ALDH3A1: variants seen among roughly 807,000 people sequenced by gnomAD.
The protein encoded by ALDH3A1 is aldehyde dehydrogenase, dimeric NADP-preferring.
ALDH3A1 carries 46 observed loss-of-function variants against 49.9 expected under a neutral mutation model. The ratio of observed to expected loss-of-function variants is 0.92; its 90% confidence interval spans 0.73 to 1.18. The LOEUF (loss-of-function observed/expected upper bound fraction) is 1.18. ALDH3A1 is among the 50% of genes most tolerant of loss of function. The pLI, the probability that ALDH3A1 is intolerant of heterozygous loss-of-function variation, is 0.00. For missense variants in ALDH3A1, 592 were observed against 611.8 expected (o/e 0.97, Z 0.34); for synonymous variants, 269 against 253.3 (o/e 1.06, Z -0.59).
intron 5 of ALDH3A1, 63 bp from the exon 6 acceptor site, chr17:19,741,273 A>G (rs1311740319): frequency 1.4e-6 from 2 of 1,424,748 alleles, no homozygotes; most frequent in Non-Finnish European, 2.0e-6. Context: ...CTCGTTTTGC[A>G]GACCCCTGAG....
chr17:19,738,530 G>A, intron 9 of ALDH3A1, 77 bp from the exon 10 acceptor site: 2 of 1,566,288 alleles, frequency 1.3e-6, no homozygotes, highest in Non-Finnish European at 1.7e-6. Flanking sequence ...ACCTTGTTGG[G>A]TGTATCCCAG....
intron 1 of ALDH3A1, among the ~76,000 whole-genome samples, chr17:19,746,655 A>ATG (rs1341863706): frequency 1.1e-4 from 13 of 118,990 alleles, no homozygotes; most frequent in African/African-American, 2.6e-4. Context: ...GTGTGTGTGC[A>ATG]TGTGTGTGTG....
In ALDH3A1 at chr17:19,742,598, T is replaced by A; in HGVS notation, c.427A>T (p.Ser143Cys). The A allele has an allele frequency of 6.2e-7, 1 of 1,613,970 alleles. No homozygotes were observed. Among genetic ancestry groups the A allele is most frequent in the South Asian group, 1.1e-5 (1 of 91,080 alleles). The stretch of plus-strand genomic sequence containing the variant: ...GCCAGCAGGCTCGCCATGTTCTCAC[T>A]CAGCTCCGAGGGCTTGAGGACCACT... ...NSVVLKPSEL[S>C]ENMASLLATI... is the part of the protein sequence containing the mutation. The change falls in exon 4 of 11, where the codon AGT becomes TGT. Residue 143 changes from serine to cysteine, a missense_variant. Physicochemically the swap from Ser to Cys is moderately radical, Grantham distance 112. Coordinates refer to ENST00000225740, the MANE Select transcript of ALDH3A1 (RefSeq NM_000691.5).
intron 2 of ALDH3A1, 161 bp downstream of exon 2, chr17:19,744,807 C>A (rs1248886959): frequency 3.0e-6 from 4 of 1,352,104 alleles, no homozygotes; most frequent in Non-Finnish European, 3.8e-6. Context: ...GCGCGGGGCG[C>A]GGCGGAGGGG....
intron 2 of ALDH3A1, chr17:19,744,633 C>T (rs1245399501): frequency 9.1e-6 from 9 of 985,234 alleles, no homozygotes; most frequent in Non-Finnish European, 1.1e-5. Flanking sequence ...TGCTCTGGTT[C>T]CTGGTGTGGA....
At chr17:19,747,518 C>A (rs1229650453) in intron 1 of ALDH3A1, among the ~76,000 whole-genome samples, 1 of 152,210 alleles carries the variant, frequency 6.6e-6, no homozygotes, top group Non-Finnish European at 1.5e-5. Flanking sequence ...TGGCCTTGCA[C>A]CCCAGCATCG....
intron 4 of ALDH3A1, 142 bp from the exon 5 acceptor site, chr17:19,742,354 A>G: frequency 8.9e-7 from 1 of 1,121,460 alleles, no homozygotes; most frequent in Non-Finnish European, 1.3e-6. Flanking sequence ...AGTAACTGGC[A>G]GTAGACCGCC....
Position 19,743,091 on chromosome 17 carries a change from G to A in ALDH3A1, c.394+141C>T. On this transcript the variant is annotated intron_variant, in intron 3 of 10. Coordinates refer to ENST00000225740, the MANE Select transcript of ALDH3A1 (RefSeq NM_000691.5). The surrounding 1 kb of genome is among the most constrained non-coding windows in gnomAD (Gnocchi z 4.4). ...ACCAAGAGGCCTGGCTAAACAGCTT[G>A]GTCCCCACAGCCTCCTGTGACAGAC... is the stretch of plus-strand genomic sequence containing the variant. 1.3e-6 allele frequency: 2 copies of A among 1,535,742 alleles called. No homozygotes were observed. Among genetic ancestry groups the A allele is most frequent in the South Asian group, 2.4e-5 (2 of 83,274 alleles).
Position 19,742,141 on chromosome 17 carries a change from G to T in ALDH3A1, c.552C>A (p.Ile184=). The part of the protein sequence containing the change: ...TELLKERFDH[I]LYTGSTGVGK... Reference sequence around the variant, plus strand: ...CCACCCCCGTGCTGCCCGTGTACAGGATATGGTCGAACCTCTCCTTGAGCA... The same window carrying T: ...CCACCCCCGTGCTGCCCGTGTACAGTATATGGTCGAACCTCTCCTTGAGCA... Residue 184 remains isoleucine (I), a synonymous_variant, in exon 5 of 11, where the codon ATC becomes ATA. Transcript: ENST00000225740. The T allele has an allele frequency of 6.2e-7, 1 of 1,614,072 alleles. No individual in the cohort carries two copies. Among genetic ancestry groups the T allele is most frequent in the Non-Finnish European group, 8.5e-7 (1 of 1,180,018 alleles).
intron 1 of ALDH3A1, among the ~76,000 whole-genome samples, chr17:19,746,694 T>TGC (rs1390212741): frequency 6.9e-6 from 1 of 144,550 alleles, no homozygotes; most frequent in Non-Finnish European, 1.5e-5. Context: ...CGTGTGTGTG[T>TGC]GCGTGCGTGT....
At chr17:19,739,398 C>T (rs373400343) in intron 8 of ALDH3A1, 110 bp downstream of exon 8, 1 of 1,301,264 alleles carries the variant, frequency 7.7e-7, no homozygotes, top group Non-Finnish European at 1.1e-6. Context: ...TCAGAAAGAT[C>T]CAGTGACTTG....
chr17:19,742,099 C>T lies in ALDH3A1; in HGVS notation c.594G>A (p.Thr198=), dbSNP rs57633837. ...CAGGGGTCAGGTGCTTGGCAGCAGC[C>T]GTCATGATGATCTTCCCCACCCCCG... ...GSTGVGKIIM[T]AAAKHLTPVT... is the part of the protein sequence containing the mutation. Residue 198 remains threonine, a synonymous_variant, in exon 5 of 11, where the codon ACG becomes ACA. Coordinates refer to ENST00000225740, the MANE Select transcript of ALDH3A1 (RefSeq NM_000691.5). 3.7e-3 allele frequency: 6,025 copies of T among 1,613,980 alleles called. 97 individuals carry two copies. In the African/African-American group the frequency reaches 0.044, roughly 12 times the overall value.
intron 2 of ALDH3A1, chr17:19,744,513 G>A (rs2086561700): frequency 1.0e-6 from 1 of 985,466 alleles, no homozygotes; most frequent in East Asian, 1.1e-4. Context: ...GGGACAGCAG[G>A]GGGCTGCGAA....
rs1417163824 is a variant in ALDH3A1 at position 19,743,669 on chromosome 17, G to C, written c.163-206C>G. ...TCTGAGAGGACCCCTTTCTGCCAGAGGGGGGCCCAGGTAGGTTTGCGGCCC... is the reference window on the plus strand; with the variant it reads ...TCTGAGAGGACCCCTTTCTGCCAGACGGGGGCCCAGGTAGGTTTGCGGCCC... On this transcript the variant is annotated intron_variant, in intron 2 of 10. Coordinates refer to ENST00000225740, the MANE Select transcript of ALDH3A1 (RefSeq NM_000691.5). The surrounding 1 kb of genome is among the most constrained non-coding windows in gnomAD (Gnocchi z 4.4). 7 of 985,210 alleles carry C rather than the reference G, an allele frequency of 7.1e-6. No individual in the cohort carries two copies. In the East Asian group the frequency reaches 6.8e-4, roughly 96 times the overall value. The allele number at this position is 985,210 out of a possible 1,614,324, so 61.0% of individuals were successfully genotyped here. A position where few individuals can be genotyped will look rare whatever the true frequency, so the allele number is the denominator to read the frequency against.
chr17:19,739,235 C>G (rs925524458), intron 8 of ALDH3A1, 140 bp from the exon 9 acceptor site: 2 of 841,776 alleles, frequency 2.4e-6, no homozygotes, highest in Non-Finnish European at 3.7e-6. Context: ...ATCTCCTGCT[C>G]TTCCTGCAGA....
chr17:19,746,900 G>A (rs551751744), intron 1 of ALDH3A1, among the ~76,000 whole-genome samples: 2 of 152,154 alleles, frequency 1.3e-5, no homozygotes, highest in African/African-American at 4.8e-5. Context: ...ATTTTGGTGC[G>A]TTTTAAGATA....
chr17:19,739,647 G>A lies in ALDH3A1; in HGVS notation c.977C>T (p.Pro326Leu), dbSNP rs1388473901. ...CTCCTCTTGCATCACCGGGGACTGGGGGTCCACGTCCGTGAGGATGGTGGG... is the reference window on the plus strand; with the variant it reads ...CTCCTCTTGCATCACCGGGGACTGGAGGTCCACGTCCGTGAGGATGGTGGG... The part of the protein sequence containing the change: ...IAPTILTDVD[P>L]QSPVMQEEIF... Residue 326 changes from proline (P) to leucine (L), a missense_variant, in exon 8 of 11, where the codon CCC (proline) becomes CTC (leucine). Coordinates refer to ENST00000225740, the MANE Select transcript of ALDH3A1 (RefSeq NM_000691.5). 1.1e-5 allele frequency: 18 copies of A among 1,613,758 alleles called. No homozygotes were observed. Among genetic ancestry groups the A allele is most frequent in the Non-Finnish European group, 1.5e-5 (18 of 1,179,934 alleles).
At chr17:19,744,914 C>CCCCCCCCCCCCCCCCCCCGG in intron 2 of ALDH3A1, 54 bp downstream of exon 2, 1 of 1,196,490 alleles carries the variant, frequency 8.4e-7, no homozygotes, top group Non-Finnish European at 1.1e-6. Context: ...CCTCCCCCCA[C>CCCCCCCCCCCCCCCCCCCGG]GCCCCATCGC....
rs185322422 is a variant in ALDH3A1 at position 19,747,739 on chromosome 17, C to T, written c.-6+520G>A. Among the ~76,000 whole-genome samples, 115 of 152,310 alleles carry T rather than the reference C, an allele frequency of 7.6e-4. 1 individual carries two copies. The highest frequency in any genetic ancestry group is 2.2e-3 in the Admixed American group (34 of 15,306). Reference sequence around the variant, plus strand: ...TGCACCCCGCTCCTCTCACCTGTGCCAGTGTTGACTTTGCCCCCCAGTGAC... The same window carrying T: ...TGCACCCCGCTCCTCTCACCTGTGCTAGTGTTGACTTTGCCCCCCAGTGAC... On this transcript the variant is annotated intron_variant, in intron 1 of 10. Transcript: ENST00000225740.
Sources: allele counts gnomAD v4.1 joint callset (sites outside exome capture counted in the v4.1 genomes callset), GRCh38; gene constraint gnomAD v4.1.1; non-coding constraint Gnocchi (gnomAD v3.1); transcripts MANE v1.5; gene names NCBI Gene and HGNC (gene_info 2026-07-23, HGNC 2026-07-21).